The following ARHGAP5 variants were observed in gnomAD, a reference collection of about 807,000 sequenced individuals.
The protein encoded by ARHGAP5 is Rho GTPase activating protein 5.
Under a neutral mutation model 116.6 loss-of-function variants are expected in ARHGAP5, and 23 were observed. The observed-to-expected ratio is 0.20, with a 90% CI of 0.14 to 0.28. The LOEUF (loss-of-function observed/expected upper bound fraction) is 0.28. Ranked by LOEUF, ARHGAP5 falls within the 10% of genes least tolerant of loss-of-function variation. The pLI, the probability that ARHGAP5 is intolerant of heterozygous loss-of-function variation, is 1.00. For missense variants in ARHGAP5, 1,405 were observed against 1,774.8 expected (o/e 0.79, Z 3.74); for synonymous variants, 574 against 602.0 (o/e 0.95, Z 0.68).
intron 2 of ARHGAP5, among the ~76,000 whole-genome samples, chr14:32,115,615 G>A (rs1186905235): frequency 2.3e-4 from 33 of 144,074 alleles, no homozygotes; most frequent in Non-Finnish European, 7.5e-5. Context: ...GCAGTGAGCC[G>A]AGATCGCGCC....
intron 4 of ARHGAP5, 52 bp downstream of exon 4, chr14:32,146,392 T>C: frequency 7.6e-7 from 1 of 1,307,718 alleles, no homozygotes; most frequent in Non-Finnish European, 1.1e-6. Context: ...TTTTCCTTGT[T>C]AGAATTCATG....
chr14:32,114,277 A>G (rs1443184073), intron 2 of ARHGAP5, among the ~76,000 whole-genome samples: 1 of 152,070 alleles, frequency 6.6e-6, no homozygotes, highest in Non-Finnish European at 1.5e-5. Context: ...CACTGCATTT[A>G]TCTCCAAACA....
chr14:32,154,736 A>G lies in ARHGAP5; in HGVS notation c.4297A>G (p.Ile1433Val). Reference sequence around the variant, plus strand: ...TCGAGAGTTTCTGTCTACTACTAAGATTCATCAATCTGTTGTTGAAACATT... The same window carrying G: ...TCGAGAGTTTCTGTCTACTACTAAGGTTCATCAATCTGTTGTTGAAACATT... Reference protein sequence around the residue: ...ENREFLSTTKIHQSVVETFIQ... With the variant: ...ENREFLSTTKVHQSVVETFIQ... Residue 1433 changes from isoleucine to valine, a missense_variant, in exon 7 of 7, where the codon ATT becomes GTT. Transcript: ENST00000345122. 6.2e-7 allele frequency: 1 copy of G among 1,614,170 alleles called. No individual in the cohort carries two copies. The highest frequency in any genetic ancestry group is 8.5e-7 in the Non-Finnish European group (1 of 1,179,998).
chr14:32,143,487 G>A (rs931378827), intron 3 of ARHGAP5, among the ~76,000 whole-genome samples: 2 of 151,986 alleles, frequency 1.3e-5, no homozygotes, highest in East Asian at 1.9e-4. Context: ...CTCGTGATCC[G>A]CCCGCTTTGG....
chr14:32,130,928 C>A (rs907815370), intron 3 of ARHGAP5, among the ~76,000 whole-genome samples: 1 of 152,108 alleles, frequency 6.6e-6, no homozygotes, highest in African/African-American at 2.4e-5. Context: ...CTAGATTCAC[C>A]GAGTAAACTT....
chr14:32,084,262 T>C (rs2041806963), intron 1 of ARHGAP5, among the ~76,000 whole-genome samples: 1 of 152,174 alleles, frequency 6.6e-6, no homozygotes, highest in Admixed American at 6.5e-5. Flanking sequence ...GCTGCGTGGG[T>C]TTGCGGAGCT....
At chr14:32,106,926 A>G (rs1317975331) in intron 2 of ARHGAP5, among the ~76,000 whole-genome samples, 1 of 152,212 alleles carries the variant, frequency 6.6e-6, no homozygotes, top group Admixed American at 6.5e-5. Flanking sequence ...TGACTTACGC[A>G]CTAGATCCTT....
At chr14:32,079,538 T>C (rs1428903223) in intron 1 of ARHGAP5, among the ~76,000 whole-genome samples, 1 of 152,224 alleles carries the variant, frequency 6.6e-6, no homozygotes, top group Admixed American at 6.5e-5. Flanking sequence ...TGGAGAGTTA[T>C]TTTGACCTTG....
chr14:32,115,645 G>GATAGAGC (rs1879524541), intron 2 of ARHGAP5, among the ~76,000 whole-genome samples: 1 of 142,296 alleles, frequency 7.0e-6, no homozygotes, highest in African/African-American at 2.7e-5. Context: ...CAGCCTGGGT[G>GATAGAGC]GCAGCCAGAC....
intron 2 of ARHGAP5, among the ~76,000 whole-genome samples, chr14:32,097,145 C>G (rs1878565247): frequency 6.6e-6 from 1 of 152,094 alleles, no homozygotes; most frequent in Admixed American, 6.5e-5. Context: ...TTAAAAAATA[C>G]CCAGTTTTTG....
chr14:32,117,318 G>T, intron 3 of ARHGAP5, 31 bp downstream of exon 3: 2 of 1,532,438 alleles, frequency 1.3e-6, no homozygotes, highest in Non-Finnish European at 8.8e-7. Context: ...CAAGAGATTT[G>T]ATTTTAAATT....
At chr14:32,096,732 C>A (rs1358762983) in intron 2 of ARHGAP5, among the ~76,000 whole-genome samples, 2 of 152,232 alleles carry the variant, frequency 1.3e-5, no homozygotes, top group East Asian at 1.9e-4. Flanking sequence ...AAAAACAGAT[C>A]ATTCCAATGT....
intron 3 of ARHGAP5, among the ~76,000 whole-genome samples, chr14:32,143,778 A>G (rs954325562): frequency 2.0e-5 from 3 of 152,182 alleles, no homozygotes; most frequent in Non-Finnish European, 4.4e-5. Context: ...AGGGCCTTAT[A>G]ATCTCCATTT....
In ARHGAP5 at chr14:32,154,660, C is replaced by A; in HGVS notation, c.4221C>A (p.Asp1407Glu). The A allele has an allele frequency of 6.2e-7, 1 of 1,613,714 alleles. No homozygotes were observed. The highest frequency in any genetic ancestry group is 8.5e-7 in the Non-Finnish European group (1 of 1,179,692). Reference protein sequence around the residue: ...QQHKINLMTADNLSICFWPTL... With the variant: ...QQHKINLMTAENLSICFWPTL... ...ATAAAATCAACCTAATGACAGCAGA[C>A]AACTTATCCATCTGTTTTTGGCCAA... Residue 1407 changes from aspartate (D) to glutamate (E), a missense_variant, in exon 7 of 7, where the codon GAC (aspartate) becomes GAA (glutamate). Asp to Glu is a conservative substitution (Grantham distance 45). Coordinates refer to ENST00000345122, the MANE Select transcript of ARHGAP5 (RefSeq NM_001030055.2).
At chr14:32,145,713 T>C (rs931459991) in intron 3 of ARHGAP5, among the ~76,000 whole-genome samples, 1 of 152,094 alleles carries the variant, frequency 6.6e-6, no homozygotes, top group African/African-American at 2.4e-5. Flanking sequence ...AGATTCAGGG[T>C]TTTTAGCTGT....
chr14:32,111,287 A>G (rs997345029), intron 2 of ARHGAP5, among the ~76,000 whole-genome samples: 6 of 152,222 alleles, frequency 3.9e-5, no homozygotes, highest in Non-Finnish European at 8.8e-5. Context: ...AAAGACAGTC[A>G]GAGACTGATG....
chr14:32,114,319 A>G (rs1879451187), intron 2 of ARHGAP5, among the ~76,000 whole-genome samples: 1 of 152,162 alleles, frequency 6.6e-6, no homozygotes, highest in African/African-American at 2.4e-5. Flanking sequence ...CATTTTTCTA[A>G]TCAAATGATA....
Position 32,117,248 on chromosome 14 carries a change from C to G in ARHGAP5, c.3826C>G (p.Leu1276Val), listed in dbSNP as rs754241397. 2.2e-5 allele frequency: 35 copies of G among 1,608,184 alleles called. No individual in the cohort carries two copies. The highest frequency in any genetic ancestry group is 3.3e-5 in the Admixed American group (2 of 59,830). ...DLVTAEKPIP[L>V]FVEKCVEFIE... Reference sequence around the variant, plus strand: ...GGTTACAGCTGAGAAGCCCATACCACTATTTGTTGAGAAATGTGTGGAATT... The same window carrying G: ...GGTTACAGCTGAGAAGCCCATACCAGTATTTGTTGAGAAATGTGTGGAATT... The change falls in exon 3 of 7, where the codon CTA becomes GTA. Residue 1276 changes from leucine (L) to valine (V), a missense_variant. Physicochemically the swap from Leu to Val is conservative, Grantham distance 32. Transcript: ENST00000345122.
rs1388321106 is a variant in ARHGAP5, at chr14:32,132,883, ATCAGATAGT to A, written c.3866-13378_3866-13370del. Among the ~76,000 whole-genome samples the A allele has an allele frequency of 8.9e-4, 135 of 152,292 alleles. 2 individuals carry two copies. The East Asian group carries it at 0.022, about 25-fold the overall frequency. Reference sequence around the variant, plus strand: ...CTTGTTTTTGTCAGGTTTGTCAAAGATCAGATAGTTGTAGATATGTGGCATTATTTCTGA... The same window carrying A: ...CTTGTTTTTGTCAGGTTTGTCAAAGATGTAGATATGTGGCATTATTTCTGA... On this transcript the variant is annotated intron_variant, in intron 3 of 6. Coordinates refer to ENST00000345122, the MANE Select transcript of ARHGAP5 (RefSeq NM_001030055.2).
Sources: gnomAD v4.1 joint callset for allele counts (sites outside exome capture counted in the v4.1 genomes callset) on GRCh38, gnomAD v4.1.1 for gene constraint, MANE v1.5 for transcripts, NCBI Gene and HGNC (gene_info 2026-07-23, HGNC 2026-07-21) for gene names.